The following GTSE1 variants were observed in gnomAD, a reference collection of about 807,000 sequenced individuals.
The protein encoded by GTSE1 is G2 and S phase-expressed protein 1.
Under a neutral mutation model 60.5 loss-of-function variants are expected in GTSE1, and 52 were observed. That is an observed-to-expected ratio of 0.86 (90% CI 0.69 to 1.08). The LOEUF (loss-of-function observed/expected upper bound fraction) is 1.08, where lower values mean the gene tolerates loss of function less well. GTSE1 is among the 50% of genes least tolerant of loss of function. The probability of loss-of-function intolerance (pLI) is 0.00; values close to 1 mark genes in which losing one functional copy is unlikely to be tolerated. For synonymous variants in GTSE1, 368 were observed against 386.5 expected, an observed-to-expected ratio of 0.95 and a Z score of 0.56; for missense variants, 937 against 961.8, an observed-to-expected ratio of 0.97 and a Z score of 0.34.
rs1005386721 is a variant in GTSE1, at chr22:46,304,433, C to T, written c.80-3717C>T. Among the ~76,000 whole-genome samples the T allele has an allele frequency of 6.6e-6, 1 of 152,146 alleles. No individual in the cohort carries two copies. Among genetic ancestry groups the T allele is most frequent in the African/African-American group, 2.4e-5 (1 of 41,422 alleles). On this transcript the variant is annotated intron_variant, in intron 2 of 11. Transcript: ENST00000454366. The surrounding 1 kb of genome is among the most constrained non-coding windows in gnomAD (Gnocchi z 4.4). ...TGGCTTTGGGTTGAGATGGGGATTT[C>T]CTTATATATCTATTACTTTTTATTA...
rs2147808917 is a variant in GTSE1, at chr22:46,297,603, A to T, written c.79+124A>T. ...GACTTGTACTCTGCACCTGTGAAAC[A>T]CATGACATCTGCCTTCGTTTTCTGG... is the stretch of plus-strand genomic sequence containing the variant. On this transcript the variant is annotated intron_variant, in intron 2 of 11. Coordinates refer to ENST00000454366, the MANE Select transcript of GTSE1 (RefSeq NM_016426.7). This position sits in a 1 kb window ranked among gnomAD's most constrained non-coding sequence, Gnocchi z 4.9. 1 of 682,102 alleles carries T rather than the reference A, an allele frequency of 1.5e-6. No homozygotes were observed. The highest frequency in any genetic ancestry group is 2.7e-5 in the East Asian group (1 of 37,216). The allele number at this position is 682,102 out of a possible 1,614,324, so 42.3% of individuals were successfully genotyped here.
At position 46,329,014 on chromosome 22, in the gene GTSE1, C is replaced by T; in HGVS notation, c.1926+125C>T. On this transcript the variant is annotated intron_variant, in intron 10 of 11. Coordinates refer to ENST00000454366, the MANE Select transcript of GTSE1 (RefSeq NM_016426.7). The surrounding 1 kb of genome is among the most constrained non-coding windows in gnomAD (Gnocchi z 6.4). ...CCATGCTTCATCCTGGGGCCAGTGC[C>T]TCCGTGCCAAGCAACCCAAAGGGAG... The T allele has an allele frequency of 1.3e-6, 1 of 774,806 alleles. No homozygotes were observed. Among genetic ancestry groups the T allele is most frequent in the South Asian group, 1.7e-5 (1 of 60,200 alleles). 48.0% of individuals were successfully genotyped at this position (774,806 alleles called of 1,614,324 possible).
chr22:46,308,168 A>T lies in GTSE1; in HGVS notation c.98A>T (p.Asp33Val). 1 of 1,612,788 alleles carries T rather than the reference A, an allele frequency of 6.2e-7. No individual in the cohort carries two copies. Reference sequence around the variant, plus strand: ...CCTCTAGACATTCTTCTTTTGGCCGATGAAAAATTTGACTTCGATCTTTCA... The same window carrying T: ...CCTCTAGACATTCTTCTTTTGGCCGTTGAAAAATTTGACTTCGATCTTTCA... ...PKKEDILLLA[D>V]EKFDFDLSLS... Residue 33 changes from aspartate to valine, a missense_variant, in exon 3 of 12, where the codon GAT (aspartate) becomes GTT (valine). By Grantham distance (152) the Asp-to-Val change is radical (BLOSUM62 -3). Transcript: ENST00000454366.
rs182892614 is a variant in GTSE1 at position 46,327,800 on chromosome 22, G to C, written c.1725-888G>C. On this transcript the variant is annotated intron_variant, in intron 9 of 11. Coordinates refer to ENST00000454366, the MANE Select transcript of GTSE1 (RefSeq NM_016426.7). ...CCAACAGTAGGTGTTGACACTGTGT[G>C]TATCTATGTAGTTCTATGATAATGC... Among the ~76,000 whole-genome samples the C allele has an allele frequency of 1.6e-3, 246 of 152,346 alleles. 1 individual carries two copies. Among genetic ancestry groups the C allele is most frequent in the African/African-American group, 5.4e-3 (225 of 41,576 alleles).
chr22:46,328,271 G>T (rs1405162534), intron 9 of GTSE1, among the ~76,000 whole-genome samples: 3 of 152,188 alleles, frequency 2.0e-5, no homozygotes, highest in African/African-American at 7.2e-5. Flanking sequence ...AGGGGAGGGG[G>T]CATCTGGGGC....
Position 46,329,295 on chromosome 22 carries a change from T to C in GTSE1, c.1927-63T>C. 7.5e-7 allele frequency: 1 copy of C among 1,328,638 alleles called. No homozygotes were observed. Among genetic ancestry groups the C allele is most frequent in the Non-Finnish European group, 1.1e-6 (1 of 924,238 alleles). The allele number at this position is 1,328,638 out of a possible 1,614,324, so 82.3% of individuals were successfully genotyped here. On this transcript the variant is annotated intron_variant, in intron 10 of 11. Coordinates refer to ENST00000454366, the MANE Select transcript of GTSE1 (RefSeq NM_016426.7). The surrounding 1 kb of genome is among the most constrained non-coding windows in gnomAD (Gnocchi z 6.4). ...ACCTGGAACATGAGCAAAGCTCACA[T>C]TCTCCCAAGATGGTTGCCAGAAAGA... is the stretch of plus-strand genomic sequence containing the variant.
Position 46,308,707 on chromosome 22 carries a change from C to T in GTSE1, c.526C>T (p.Pro176Ser). The T allele has an allele frequency of 6.2e-7, 1 of 1,613,734 alleles. No individual in the cohort carries two copies. The highest frequency in any genetic ancestry group is 8.5e-7 in the Non-Finnish European group (1 of 1,180,034). The change falls in exon 4 of 12, where the codon CCC becomes TCC. Residue 176 changes from proline to serine, a missense_variant. Physicochemically the swap from Pro to Ser is moderately conservative, Grantham distance 74. Coordinates refer to ENST00000454366, the MANE Select transcript of GTSE1 (RefSeq NM_016426.7). ...CCTGTCAGACAGCCCCTTGCTGGGG[C>T]CCCCTGTGGGTGAGCCTCGGCTCTT... is the stretch of plus-strand genomic sequence containing the variant. ...YYLSDSPLLGPPVGEPRLLAS... is the reference protein window; with the variant it reads ...YYLSDSPLLGSPVGEPRLLAS...
Position 46,314,347 on chromosome 22 carries a change from C to G in GTSE1, c.1051+334C>G, listed in dbSNP as rs2077766516. Among the ~76,000 whole-genome samples the G allele has an allele frequency of 6.6e-6, 1 of 152,178 alleles. No homozygotes were observed. Among genetic ancestry groups the G allele is most frequent in the Non-Finnish European group, 1.5e-5 (1 of 68,040 alleles). ...ACACCAGTTTTAAAATAGGACTATT[C>G]CAGATAATGTAGGGCATATGGCCCC... is the stretch of plus-strand genomic sequence containing the variant. On this transcript the variant is annotated intron_variant, in intron 6 of 11. Transcript: ENST00000454366. The surrounding 1 kb of genome is among the most constrained non-coding windows in gnomAD (Gnocchi z 7.1).
intron 8 of GTSE1, among the ~76,000 whole-genome samples, chr22:46,325,416 T>C (rs2077837929): frequency 6.6e-6 from 1 of 152,200 alleles, no homozygotes; most frequent in African/African-American, 2.4e-5. Flanking sequence ...CAGGATGGTC[T>C]TGATCTCCTG....
At chr22:46,299,588 C>T (rs762511325) in intron 2 of GTSE1, among the ~76,000 whole-genome samples, 1 of 152,180 alleles carries the variant, frequency 6.6e-6, no homozygotes, top group Non-Finnish European at 1.5e-5. Context: ...ATCCTGAATC[C>T]ATCTACAGAC....
At position 46,316,138 on chromosome 22, in the gene GTSE1, T is replaced by A. The variant is rs778156033; in HGVS notation, c.1158T>A (p.Pro386=). ...CCGCCATGCTGCGGCCAGCTCTGCC[T>A]GCAGGCCCTGTGGGGGCATCCTCCT... is the stretch of plus-strand genomic sequence containing the variant. ...MGPAMLRPAL[P]AGPVGASSWQ... The change falls in exon 7 of 12, where the codon CCT becomes CCA. Residue 386 remains proline, a synonymous_variant. Transcript: ENST00000454366. The surrounding 1 kb of genome is among the most constrained non-coding windows in gnomAD (Gnocchi z 5.0). 6.2e-7 allele frequency: 1 copy of A among 1,609,522 alleles called. No homozygotes were observed. The highest frequency in any genetic ancestry group is 1.1e-5 in the South Asian group (1 of 90,790).
chr22:46,308,832 C>T lies in GTSE1; in HGVS notation c.651C>T (p.Cys217=). Residue 217 remains cysteine (C), a synonymous_variant, in exon 4 of 12, where the codon TGC becomes TGT. Transcript: ENST00000454366. ...CTCATGCTTTGCCCAGGGAATCATG[C>T]ACTGCTCATGCTGCAAGTCAGGCAG... ...HSAHALPRES[C]TAHAASQAAT... The T allele has an allele frequency of 6.2e-7, 1 of 1,613,318 alleles. No individual in the cohort carries two copies. Among genetic ancestry groups the T allele is most frequent in the Non-Finnish European group, 8.5e-7 (1 of 1,180,034 alleles).
In GTSE1 at chr22:46,313,890, T is replaced by C. The variant is rs756725194; in HGVS notation, c.928T>C (p.Leu310=). ...GKRAIPVPNK[L]GLKKTLLKAP... The stretch of plus-strand genomic sequence containing the variant: ...TCTGTTTTTTCACATTTTGCCCCAG[T>C]TGGGGCTGAAGAAGACCCTGTTAAA... Residue 310 remains leucine (L), a splice_region_variant and synonymous_variant, in exon 6 of 12, where the codon TTG becomes CTG. Coordinates refer to ENST00000454366, the MANE Select transcript of GTSE1 (RefSeq NM_016426.7). The surrounding 1 kb of genome is among the most constrained non-coding windows in gnomAD (Gnocchi z 4.4). The C allele has an allele frequency of 2.5e-6, 4 of 1,613,982 alleles. No individual in the cohort carries two copies. The highest frequency in any genetic ancestry group is 1.7e-5 in the Admixed American group (1 of 60,010).
Position 46,312,287 on chromosome 22 carries a change from G to A in GTSE1, c.909G>A (p.Ala303=), listed in dbSNP as rs753934434. Residue 303 remains alanine (A), a synonymous_variant, in exon 5 of 12, where the codon GCG becomes GCA. Coordinates refer to ENST00000454366, the MANE Select transcript of GTSE1 (RefSeq NM_016426.7). ...GCCACTTGGGCCAGGGCAAGCGGGC[G>A]ATCCCTGTTCCAAACAAGGTGAGTT... ...AGSHLGQGKR[A]IPVPNKLGLK... 1.7e-5 allele frequency: 27 copies of A among 1,612,772 alleles called. No homozygotes were observed. The highest frequency in any genetic ancestry group is 2.7e-5 in the African/African-American group (2 of 74,858).
Position 46,323,178 on chromosome 22 carries a change from T to A in GTSE1, c.1433-12T>A, listed in dbSNP as rs764737083. On this transcript the variant is annotated splice_polypyrimidine_tract_variant and intron_variant, in intron 7 of 11. Transcript: ENST00000454366. ...ACTTTACCTGACCGCACACTTCCTT[T>A]CTTGGACTTAGGTGACTCCCCGGAC... The A allele has an allele frequency of 3.7e-6, 6 of 1,605,446 alleles. No homozygotes were observed. The African/African-American group carries it at 6.7e-5, about 18-fold the overall frequency.
chr22:46,298,760 A>T (rs1050369181), intron 2 of GTSE1, among the ~76,000 whole-genome samples: 2 of 152,110 alleles, frequency 1.3e-5, no homozygotes, highest in African/African-American at 4.8e-5. Context: ...TTCCACGTGC[A>T]TACTGCACCC....
chr22:46,328,579 A>G, intron 9 of GTSE1, 109 bp from the exon 10 acceptor site: 1 of 786,644 alleles, frequency 1.3e-6, no homozygotes. Flanking sequence ...TAGAGCCGGG[A>G]CGCACTCCAC....
chr22:46,315,014 G>T (rs1601909533), intron 6 of GTSE1, among the ~76,000 whole-genome samples: 1 of 151,392 alleles, frequency 6.6e-6, no homozygotes, highest in East Asian at 2.0e-4. Context: ...TCAGCCTCCT[G>T]AGTAGCTGGG....
chr22:46,329,354 C>T lies in GTSE1; in HGVS notation c.1927-4C>T. ...TCTGCTCTTAACCTTGGTTTTGTAC[C>T]CAGGCTCTTCTTGTAGATATCAAAC... On this transcript the variant is annotated splice_region_variant and splice_polypyrimidine_tract_variant and intron_variant, in intron 10 of 11. Coordinates refer to ENST00000454366, the MANE Select transcript of GTSE1 (RefSeq NM_016426.7). The surrounding 1 kb of genome is among the most constrained non-coding windows in gnomAD (Gnocchi z 6.4). 1.9e-6 allele frequency: 3 copies of T among 1,611,642 alleles called. No homozygotes were observed. The highest frequency in any genetic ancestry group is 2.5e-6 in the Non-Finnish European group (3 of 1,177,800).
Sources: gnomAD v4.1 joint callset for allele counts (sites outside exome capture counted in the v4.1 genomes callset) on GRCh38, gnomAD v4.1.1 for gene constraint, Gnocchi (gnomAD v3.1) non-coding constraint, MANE v1.5 for transcripts, NCBI Gene and HGNC (gene_info 2026-07-23, HGNC 2026-07-21) for gene names.